PDGFRL: variants seen among roughly 807,000 people sequenced by gnomAD.
PDGFRL encodes the protein platelet derived growth factor receptor like.
Under a neutral mutation model 37.2 loss-of-function variants are expected in PDGFRL, and 46 were observed. The ratio of observed to expected loss-of-function variants is 1.24; its 90% CI spans 0.98 to 1.58. PDGFRL has a LOEUF of 1.58. Among genes scored for constraint, PDGFRL ranks in the 40% most tolerant of loss-of-function variants. The pLI is 0.00. For synonymous variants in PDGFRL, 251 were observed against 184.3 expected (o/e 1.36, Z -2.93); for missense variants, 692 against 467.6 (o/e 1.48, Z -4.43).
At chr8:17,622,837 C>T (rs1028302138) in intron 3 of PDGFRL, among the ~76,000 whole-genome samples, 1 of 152,110 alleles carries the variant, frequency 6.6e-6, no homozygotes, top group Admixed American at 6.6e-5. Flanking sequence ...GAATTCCTGG[C>T]GGCTCCACCC....
intron 2 of PDGFRL, among the ~76,000 whole-genome samples, chr8:17,601,495 T>G (rs1205257470): frequency 1.3e-5 from 2 of 150,220 alleles, no homozygotes; most frequent in African/African-American, 4.9e-5. Context: ...AGGTTGAGCG[T>G]GTATATGTGC....
At chr8:17,592,011 A>G (rs1299083066) in intron 2 of PDGFRL, among the ~76,000 whole-genome samples, 1 of 152,184 alleles carries the variant, frequency 6.6e-6, no homozygotes, top group Non-Finnish European at 1.5e-5. Context: ...GTGTTTTTGC[A>G]GAAATTCATC....
intron 2 of PDGFRL, among the ~76,000 whole-genome samples, chr8:17,593,437 G>GAAAA (rs35908143): frequency 6.8e-6 from 1 of 147,830 alleles, no homozygotes. Flanking sequence ...TAAAAATACG[G>GAAAA]AAAAAAAAAA....
intron 2 of PDGFRL, among the ~76,000 whole-genome samples, chr8:17,609,650 A>AAAAT (rs1804363841): frequency 7.0e-6 from 1 of 143,852 alleles, no homozygotes; most frequent in Non-Finnish European, 1.5e-5. Context: ...AAAAAAAAAA[A>AAAAT]AAAAAAAAAA....
chr8:17,640,991 G>A (rs1011355995), intron 5 of PDGFRL, among the ~76,000 whole-genome samples: 1 of 152,052 alleles, frequency 6.6e-6, no homozygotes, highest in African/African-American at 2.4e-5. Flanking sequence ...AGGCCAATGG[G>A]GTTATGTTCC....
At chr8:17,618,953 T>A (rs1215619577) in intron 2 of PDGFRL, among the ~76,000 whole-genome samples, 1 of 152,078 alleles carries the variant, frequency 6.6e-6, no homozygotes, top group Non-Finnish European at 1.5e-5. Context: ...AGATTTCCGT[T>A]CAGGGTAAGG....
intron 3 of PDGFRL, among the ~76,000 whole-genome samples, chr8:17,622,994 A>G (rs997082550): frequency 6.6e-6 from 1 of 152,190 alleles, no homozygotes; most frequent in Non-Finnish European, 1.5e-5. Flanking sequence ...GGTAGGTCAG[A>G]GGTTCTCTAA....
At chr8:17,589,383 C>G in intron 1 of PDGFRL, 85 bp from the exon 2 acceptor site, 1 of 845,140 alleles carries the variant, frequency 1.2e-6, no homozygotes, top group Non-Finnish European at 1.7e-6. Context: ...AAGAATCTGT[C>G]TCAAAAAAAA....
chr8:17,591,797 C>T (rs1034341297), intron 2 of PDGFRL, among the ~76,000 whole-genome samples: 39 of 152,178 alleles, frequency 2.6e-4, no homozygotes, highest in African/African-American at 9.2e-4. Flanking sequence ...GTCTCTAGTC[C>T]CAGCTACTCG....
At chr8:17,619,317 A>G (rs551821157) in intron 2 of PDGFRL, among the ~76,000 whole-genome samples, 90 of 152,362 alleles carry the variant, frequency 5.9e-4, no homozygotes, top group African/African-American at 2.1e-3. Flanking sequence ...TTTGTGCCAC[A>G]ATATAATAGA....
chr8:17,592,877 C>A (rs553382733), intron 2 of PDGFRL, among the ~76,000 whole-genome samples: 8 of 151,816 alleles, frequency 5.3e-5, no homozygotes, highest in Non-Finnish European at 8.8e-5. Flanking sequence ...GACTGACAAG[C>A]CTCCCTGATA....
chr8:17,589,790 G>A, intron 2 of PDGFRL, 25 bp downstream of exon 2: 5 of 1,430,294 alleles, frequency 3.5e-6, no homozygotes, highest in Non-Finnish European at 3.9e-6. Context: ...TTAAAACTGT[G>A]TAGGGTTGAG....
In PDGFRL at chr8:17,598,314, G is replaced by A. The variant is rs556341832; in HGVS notation, c.353+8549G>A. ...AATGTGAATATATTATTGCTTATTTGTTTATTTAATTGATTACTTCTTTAT... is the reference window on the plus strand; with the variant it reads ...AATGTGAATATATTATTGCTTATTTATTTATTTAATTGATTACTTCTTTAT... On this transcript the variant is annotated intron_variant, in intron 2 of 5. Coordinates refer to ENST00000251630, the MANE Select transcript of PDGFRL (RefSeq NM_001372073.1). 1.2e-3 allele frequency among the ~76,000 whole-genome samples: 176 copies of A among 152,240 alleles called. 4 individuals are homozygous for A. The South Asian group carries it at 0.034, about 29-fold the overall frequency.
At chr8:17,612,356 C>T (rs538325330) in intron 2 of PDGFRL, among the ~76,000 whole-genome samples, 1 of 151,896 alleles carries the variant, frequency 6.6e-6, no homozygotes, top group East Asian at 1.9e-4. Context: ...CTTCCTTCTT[C>T]CTTCTCCTCT....
chr8:17,598,300 A>G (rs984476239), intron 2 of PDGFRL, among the ~76,000 whole-genome samples: 3 of 152,148 alleles, frequency 2.0e-5, no homozygotes, highest in Non-Finnish European at 2.9e-5. Context: ...ATGTGAATAT[A>G]TTATTGCTTA....
chr8:17,638,450 T>C (rs920121904), intron 5 of PDGFRL, among the ~76,000 whole-genome samples: 12 of 151,960 alleles, frequency 7.9e-5, no homozygotes, highest in African/African-American at 2.9e-4. Flanking sequence ...TTGAAACTTG[T>C]TTTGTGGCTT....
In PDGFRL at chr8:17,633,335, A is replaced by C. The variant is rs1421061763; in HGVS notation, c.800-739A>C. Among the ~76,000 whole-genome samples the C allele has an allele frequency of 1.3e-5, 2 of 152,134 alleles. 1 individual carries two copies. The highest frequency in any genetic ancestry group is 4.8e-5 in the African/African-American group (2 of 41,424). ...AAGGCACAGGTGGGAGGATGGCTTG[A>C]GCTTTCCTCCAGGATGCAGGAGTTT... is the stretch of plus-strand genomic sequence containing the variant. On this transcript the variant is annotated intron_variant, in intron 4 of 5. Coordinates refer to ENST00000251630, the MANE Select transcript of PDGFRL (RefSeq NM_001372073.1).
intron 1 of PDGFRL, among the ~76,000 whole-genome samples, chr8:17,579,556 GTTATT>G (rs1803663078): frequency 8.4e-6 from 1 of 119,542 alleles, no homozygotes; most frequent in Non-Finnish European, 1.7e-5. Context: ...TATTATTATT[GTTATT>G]ATTATTATTA....
chr8:17,592,166 C>G (rs1803954168), intron 2 of PDGFRL, among the ~76,000 whole-genome samples: 1 of 152,222 alleles, frequency 6.6e-6, no homozygotes, highest in Non-Finnish European at 1.5e-5. Flanking sequence ...TTTCAAAATT[C>G]TGAGTTTGGT....
Sources: allele counts gnomAD v4.1 joint callset (sites outside exome capture counted in the v4.1 genomes callset), GRCh38; gene constraint gnomAD v4.1.1; transcripts MANE v1.5; gene names NCBI Gene and HGNC (gene_info 2026-07-23, HGNC 2026-07-21).